Variants in MED16 observed in about 807,000 individuals in gnomAD.
MED16 encodes the protein mediator complex subunit 16.
MED16 carries 81 observed loss-of-function variants against 84.4 expected under a neutral mutation model. The ratio of observed to expected loss-of-function variants is 0.96; its 90% confidence interval spans 0.80 to 1.15. The LOEUF (loss-of-function observed/expected upper bound fraction) is 1.15, where lower values mean the gene tolerates loss of function less well. Among genes scored for constraint, MED16 ranks in the 50% most tolerant of loss-of-function variants. The pLI is 0.00. For synonymous variants in MED16, 897 were observed against 552.2 expected, an observed-to-expected ratio of 1.62 and a Z score of -8.76; for missense variants, 1,585 against 1,245.9, an observed-to-expected ratio of 1.27 and a Z score of -4.10.
intron 11 of MED16, 58 bp from the exon 12 acceptor site, chr19:872,176 G>T (rs773059549): frequency 1.3e-6 from 2 of 1,491,392 alleles, no homozygotes; most frequent in Non-Finnish European, 1.8e-6. Context: ...GCGATGGGAT[G>T]AAGTGTCTTG....
In MED16 at chr19:877,028, G is replaced by T. The variant is rs148553311; in HGVS notation, c.1506C>A (p.Ser502Arg). 1.2e-6 allele frequency: 2 copies of T among 1,612,502 alleles called. No individual in the cohort carries two copies. Among genetic ancestry groups the T allele is most frequent in the Non-Finnish European group, 8.5e-7 (1 of 1,179,872 alleles). The change falls in exon 9 of 16, where the codon AGC (serine) becomes AGA (arginine). Residue 502 changes from serine to arginine, a missense_variant. Coordinates refer to ENST00000325464, the MANE Select transcript of MED16 (RefSeq NM_005481.3). ...LLHVQPSMVQ[S>R]LVEKLHEEYT... ...ACTCCTCGTGCAGCTTCTCCACCAG[G>T]CTCTGTACCATACTGGGCTGCACGT...
intron 7 of MED16, among the ~76,000 whole-genome samples, chr19:881,196 G>A (rs753901442): frequency 9.2e-5 from 14 of 152,220 alleles, no homozygotes; most frequent in African/African-American, 1.2e-4. Context: ...TCATGGGCAC[G>A]GATGCCACGG....
At position 869,494 on chromosome 19, in the gene MED16, A is replaced by ACAAG. The variant is rs2035996352; in HGVS notation, c.2316-552_2316-549dup. ...TAAATATCTGAAATTTTCCCAGTTTACAAGCCTCTGACGTAACCGTCCTCT... is the reference window on the plus strand; with the variant it reads ...TAAATATCTGAAATTTTCCCAGTTTACAAGCAAGCCTCTGACGTAACCGTCCTCT... On this transcript the variant is annotated intron_variant, in intron 13 of 15. Coordinates refer to ENST00000325464, the MANE Select transcript of MED16 (RefSeq NM_005481.3). Among the ~76,000 whole-genome samples the ACAAG allele has an allele frequency of 1.1e-4, 16 of 152,240 alleles. No homozygotes were observed. The South Asian group carries it at 3.3e-3, about 32-fold the overall frequency.
At position 887,762 on chromosome 19, in the gene MED16, G is replaced by C. The variant is rs560719871; in HGVS notation, c.448-1561C>G. Among the ~76,000 whole-genome samples the C allele has an allele frequency of 2.6e-5, 4 of 152,262 alleles. No individual in the cohort carries two copies. The East Asian group carries it at 7.7e-4, about 29-fold the overall frequency. ...ACATCACGCTCAGTAAGAGATGCCA[G>C]ACACAGAAGGCTACGCAGTGTGTGA... On this transcript the variant is annotated intron_variant, in intron 4 of 15. Coordinates refer to ENST00000325464, the MANE Select transcript of MED16 (RefSeq NM_005481.3).
At chr19:875,484 G>A (rs373862181) in intron 9 of MED16, 30 bp from the exon 10 acceptor site, 482 of 1,570,618 alleles carry the variant, frequency 3.1e-4, no homozygotes, top group Non-Finnish European at 4.0e-4. Context: ...TCACCCCAAG[G>A]GGCCGGAGCA....
chr19:885,027 T>A lies in MED16; in HGVS notation c.880-19A>T. ...AAAGCACCTGCGGGGGAGGTGGGGG[T>A]GAGGGCTGACCCGGCACTGCTGTGG... is the stretch of plus-strand genomic sequence containing the variant. On this transcript the variant is annotated intron_variant, in intron 5 of 15. Coordinates refer to ENST00000325464, the MANE Select transcript of MED16 (RefSeq NM_005481.3). 1 of 1,570,900 alleles carries A rather than the reference T, an allele frequency of 6.4e-7. No individual in the cohort carries two copies. The highest frequency in any genetic ancestry group is 8.6e-7 in the Non-Finnish European group (1 of 1,162,166).
rs780835415 is a variant in MED16, at chr19:877,147, G to A, written c.1387C>T (p.His463Tyr). The A allele has an allele frequency of 1.2e-6, 2 of 1,611,980 alleles. No individual in the cohort carries two copies. Among genetic ancestry groups the A allele is most frequent in the South Asian group, 1.1e-5 (1 of 90,970 alleles). ...AGCGCCAGCCCCACCTCCAGCGGGT[G>A]GCCCATGGAAGGTGAGAGGCGGAGC... ...SVLRLSPSMG[H>Y]PLEVGLALRH... Residue 463 changes from histidine (H) to tyrosine (Y), a missense_variant, in exon 9 of 16, where the codon CAC becomes TAC. Transcript: ENST00000325464.
chr19:878,440 C>G (rs866013761), intron 8 of MED16, among the ~76,000 whole-genome samples: 115 of 140,730 alleles, frequency 8.2e-4, no homozygotes, highest in South Asian at 1.6e-3. Flanking sequence ...CCAGCCCCGG[C>G]CCCGGCCCCG....
At chr19:885,467 G>A (rs1169583396) in intron 5 of MED16, among the ~76,000 whole-genome samples, 1 of 152,120 alleles carries the variant, frequency 6.6e-6, no homozygotes, top group South Asian at 2.1e-4. Context: ...GGGGGTCCGG[G>A]GGCCCCAGTG....
At chr19:881,437 G>A (rs2036421084) in intron 7 of MED16, 122 bp downstream of exon 7, 3 of 1,178,024 alleles carry the variant, frequency 2.5e-6, no homozygotes, top group South Asian at 1.6e-5. Flanking sequence ...ACAGCCCCAT[G>A]GCCTGTGCTC....
At chr19:887,427 G>C (rs2036548893) in intron 4 of MED16, among the ~76,000 whole-genome samples, 1 of 152,144 alleles carries the variant, frequency 6.6e-6, no homozygotes, top group Admixed American at 6.5e-5. Context: ...CAGCACTTTG[G>C]GAGGCCGAGG....
At chr19:877,902 C>T (rs2036295338) in intron 8 of MED16, among the ~76,000 whole-genome samples, 4 of 147,208 alleles carry the variant, frequency 2.7e-5, no homozygotes, top group African/African-American at 1.0e-4. Context: ...CCCACCAGCC[C>T]CAGCCCCACG....
Position 871,194 on chromosome 19 carries a change from G to A in MED16, c.2158C>T (p.Leu720=), listed in dbSNP as rs1369632299. ...DEALVDECCL[L]PSQLLIPSLD... is the part of the protein sequence containing the mutation. ...CTGGGGATAAGCAGCTGGCTGGGCAGCAGGCAGCATTCATCCACCAGCGCC... is the reference window on the plus strand; with the variant it reads ...CTGGGGATAAGCAGCTGGCTGGGCAACAGGCAGCATTCATCCACCAGCGCC... The change falls in exon 13 of 16, where the codon CTG becomes TTG. Residue 720 remains leucine, a synonymous_variant. Transcript: ENST00000325464. 6.4e-7 allele frequency: 1 copy of A among 1,550,598 alleles called. No individual in the cohort carries two copies. Among genetic ancestry groups the A allele is most frequent in the Non-Finnish European group, 8.7e-7 (1 of 1,147,034 alleles).
chr19:873,361 G>C, intron 11 of MED16, 88 bp downstream of exon 11: 1 of 1,332,588 alleles, frequency 7.5e-7, no homozygotes, highest in Non-Finnish European at 1.0e-6. Context: ...GGCTGAGGTG[G>C]TTTTGAGGGG....
At chr19:870,109 G>A (rs79264833) in intron 13 of MED16, among the ~76,000 whole-genome samples, 1,862 of 152,326 alleles carry the variant, frequency 0.012, 36 homozygotes, top group African/African-American at 0.042. Flanking sequence ...TCCTCCTGAT[G>A]AGGTGTCTGC....
intron 4 of MED16, among the ~76,000 whole-genome samples, chr19:887,656 ACT>A (rs2036553331): frequency 6.6e-6 from 1 of 151,584 alleles, no homozygotes; most frequent in African/African-American, 2.4e-5. Flanking sequence ...ACAGAACAAG[ACT>A]CTGTCTCAAA....
intron 2 of MED16, among the ~76,000 whole-genome samples, chr19:890,762 G>A (rs950383661): frequency 2.4e-4 from 36 of 152,326 alleles, no homozygotes; most frequent in Admixed American, 1.7e-3. Context: ...CATGTCTCCT[G>A]GCACCAGGTT....
chr19:870,420 G>A (rs944997036), intron 13 of MED16, among the ~76,000 whole-genome samples: 3 of 152,206 alleles, frequency 2.0e-5, no homozygotes, highest in Admixed American at 1.3e-4. Context: ...AAATACCTAG[G>A]TGTGGTGGCT....
rs773299096 is a variant in MED16, at chr19:868,189, G to A, written c.2546C>T (p.Ala849Val). ...GGACTGCGGGCCCAGCTGGACAAAGGCAGGGGCTTCCTCAGAAGCTCTGCT... is the reference window on the plus strand; with the variant it reads ...GGACTGCGGGCCCAGCTGGACAAAGACAGGGGCTTCCTCAGAAGCTCTGCT... ...VTSRASEEAP[A>V]FVQLGPQSTH... is the part of the protein sequence containing the mutation. Residue 849 changes from alanine (A) to valine (V), a missense_variant, in exon 16 of 16, where the codon GCC becomes GTC. Transcript: ENST00000325464. 4 of 1,608,336 alleles carry A rather than the reference G, an allele frequency of 2.5e-6. No individual in the cohort carries two copies. Among genetic ancestry groups the A allele is most frequent in the East Asian group, 4.5e-5 (2 of 44,708 alleles).
Sources: gnomAD v4.1 joint callset for allele counts (sites outside exome capture counted in the v4.1 genomes callset) on GRCh38, gnomAD v4.1.1 for gene constraint, MANE v1.5 for transcripts, NCBI Gene and HGNC (gene_info 2026-07-23, HGNC 2026-07-21) for gene names.